The following VPS4A variants were observed in gnomAD, a reference collection of about 807,000 sequenced individuals.
VPS4A encodes vacuolar protein sorting 4 homolog A, also known as vacuolar protein sorting-associated protein 4A.
A neutral mutation model predicts 52.3 loss-of-function variants in VPS4A; 20 were observed. That is an observed-to-expected ratio of 0.38 (90% CI 0.27 to 0.56). VPS4A has a LOEUF of 0.56. Among genes scored for constraint, VPS4A ranks in the 20% least tolerant of loss-of-function variants. The probability of loss-of-function intolerance (pLI) is 0.72; values close to 1 mark genes in which losing one functional copy is unlikely to be tolerated. For missense variants in VPS4A, 419 were observed against 575.9 expected, an observed-to-expected ratio of 0.73 and a Z score of 2.79; for synonymous variants, 293 against 227.7, an observed-to-expected ratio of 1.29 and a Z score of -2.58.
chr16:69,313,674 CGTTT>C (rs1317025176), intron 1 of VPS4A, among the ~76,000 whole-genome samples: 4 of 152,130 alleles, frequency 2.6e-5, no homozygotes, highest in African/African-American at 9.7e-5. Flanking sequence ...CATCCCTGTT[CGTTT>C]ATTGATATAC....
At chr16:69,323,470 T>G (rs992657539) in intron 10 of VPS4A, 2 of 342,790 alleles carry the variant, frequency 5.8e-6, no homozygotes, top group Non-Finnish European at 1.2e-5. Context: ...TTTATATTCT[T>G]TAGCAAGTAA....
At position 69,325,547 on chromosome 16, in the gene VPS4A, AAC is replaced by A. The variant is rs1250376777; in HGVS notation, c.*1242_*1243del. ...TCAGGAAATCGAGAACATCCTGGCT[AAC>A]ACAGTGAAACCCCGTCTCACTAAAA... is the stretch of plus-strand genomic sequence containing the variant. On this transcript the variant is annotated 3_prime_UTR_variant, in exon 11 of 11. Coordinates refer to ENST00000254950, the MANE Select transcript of VPS4A (RefSeq NM_013245.3). 1 of 152,102 alleles carries A rather than the reference AAC, an allele frequency of 6.6e-6. No individual in the cohort carries two copies. Among genetic ancestry groups the A allele is most frequent in the East Asian group, 1.9e-4 (1 of 5,192 alleles). The allele number at this position is 152,102 out of a possible 1,614,324, so 9.4% of individuals were successfully genotyped here.
chr16:69,320,960 C>T lies in VPS4A; in HGVS notation c.852-91C>T, dbSNP rs113729723. ...GCCAGCATCACTGGCCCATGAAATG[C>T]GTCCGTTTCACTCAAATCTTCGTGC... On this transcript the variant is annotated intron_variant, in intron 8 of 10. Transcript: ENST00000254950. The surrounding 1 kb of genome is among the most constrained non-coding windows in gnomAD (Gnocchi z 4.2). 10 of 1,358,810 alleles carry T rather than the reference C, an allele frequency of 7.4e-6. No homozygotes were observed. Among genetic ancestry groups the T allele is most frequent in the South Asian group, 2.6e-5 (2 of 76,544 alleles). The allele number at this position is 1,358,810 out of a possible 1,614,324, so 84.2% of individuals were successfully genotyped here. A position where few individuals can be genotyped will look rare whatever the true frequency, so the allele number is the denominator to read the frequency against.
chr16:69,322,330 G>A (rs1046840942), intron 9 of VPS4A: 21 of 423,084 alleles, frequency 5.0e-5, no homozygotes, highest in Admixed American at 2.3e-4. Context: ...CTGGTGAGAC[G>A]TGACAGTGTT....
rs766666592 is a variant in VPS4A, at chr16:69,320,489, A to G, written c.770-199A>G. ...CCTCACGGGCCACTCCACCCCTCCC[A>G]TGGCAGGCAGTGCCATAGGTCTCAC... is the stretch of plus-strand genomic sequence containing the variant. On this transcript the variant is annotated intron_variant, in intron 7 of 10. Coordinates refer to ENST00000254950, the MANE Select transcript of VPS4A (RefSeq NM_013245.3). This position sits in a 1 kb window ranked among gnomAD's most constrained non-coding sequence, Gnocchi z 4.2. The G allele has an allele frequency of 5.0e-5, 42 of 831,828 alleles. No homozygotes were observed. Among genetic ancestry groups the G allele is most frequent in the Non-Finnish European group, 7.0e-5 (38 of 540,398 alleles). The allele number at this position is 831,828 out of a possible 1,614,324, so 51.5% of individuals were successfully genotyped here.
At chr16:69,317,224 C>T (rs1167936249) in intron 3 of VPS4A, among the ~76,000 whole-genome samples, 1 of 147,510 alleles carries the variant, frequency 6.8e-6, no homozygotes, top group Non-Finnish European at 1.5e-5. Context: ...AGATTCCATC[C>T]AGGGAGGAAG....
chr16:69,318,647 C>G lies in VPS4A; in HGVS notation c.282-3C>G, dbSNP rs761445237. 1 of 1,607,088 alleles carries G rather than the reference C, an allele frequency of 6.2e-7. No homozygotes were observed. The highest frequency in any genetic ancestry group is 8.5e-7 in the Non-Finnish European group (1 of 1,176,646). On this transcript the variant is annotated splice_region_variant and splice_polypyrimidine_tract_variant and intron_variant, in intron 3 of 10. Coordinates refer to ENST00000254950, the MANE Select transcript of VPS4A (RefSeq NM_013245.3). ...GCTTGTGACTTTCCGTCTCCCTTCCCAGCAGTGACAGTGACAGTGAAGGGG... is the reference window on the plus strand; with the variant it reads ...GCTTGTGACTTTCCGTCTCCCTTCCGAGCAGTGACAGTGACAGTGAAGGGG...
At position 69,322,553 on chromosome 16, in the gene VPS4A, G is replaced by C; in HGVS notation, c.1072-7G>C. 1.2e-6 allele frequency: 2 copies of C among 1,611,184 alleles called. No individual in the cohort carries two copies. Among genetic ancestry groups the C allele is most frequent in the Non-Finnish European group, 1.7e-6 (2 of 1,178,474 alleles). ...CAGCTGCCCCAGTCAGATCCATTTG[G>C]TTTCAGGTCTGTGGCCCCTCTCGCA... On this transcript the variant is annotated splice_region_variant and splice_polypyrimidine_tract_variant and intron_variant, in intron 9 of 10. Coordinates refer to ENST00000254950, the MANE Select transcript of VPS4A (RefSeq NM_013245.3).
rs141298258 is a variant in VPS4A at position 69,322,375 on chromosome 16, T to TTGGCA, written c.1072-183_1072-182insGCATG. On this transcript the variant is annotated intron_variant, in intron 9 of 10. Transcript: ENST00000254950. The stretch of plus-strand genomic sequence containing the variant: ...GACATCAAGGCATTGGGGCTACAGA[T>TTGGCA]TGCCAGAGTCCCATGCAAATCATGA... The TTGGCA allele has an allele frequency of 1.8e-3, 945 of 534,196 alleles. 5 individuals carry two copies. The highest frequency in any genetic ancestry group is 0.017 in the African/African-American group (900 of 52,554). 33.1% of individuals were successfully genotyped at this position (534,196 alleles called of 1,614,324 possible).
intron 10 of VPS4A, 50 bp from the exon 11 acceptor site, chr16:69,324,157 TG>T: frequency 6.3e-7 from 1 of 1,580,000 alleles, no homozygotes; most frequent in Non-Finnish European, 8.6e-7. Flanking sequence ...GAGGGGAGGT[TG>T]GGGACCTGGA....
intron 10 of VPS4A, 92 bp downstream of exon 10, chr16:69,322,792 A>G (rs11075714): frequency 0.32 from 472,585 of 1,483,646 alleles, 77,298 homozygotes; most frequent in African/African-American, 0.4. Context: ...TCTCCAGGCC[A>G]GGCATGGTAG....
In VPS4A at chr16:69,316,066, A is replaced by G; in HGVS notation, c.80A>G (p.Glu27Gly). ...TEEDKAKNYE[E>G]ALRLYQHAVE... Reference sequence around the variant, plus strand: ...GAGGACAAAGCCAAGAACTACGAGGAGGCGCTGCGGCTGTACCAGCATGCG... The same window carrying G: ...GAGGACAAAGCCAAGAACTACGAGGGGGCGCTGCGGCTGTACCAGCATGCG... The change falls in exon 2 of 11, where the codon GAG becomes GGG. Residue 27 changes from glutamate to glycine, a missense_variant. Glu to Gly is a moderately conservative substitution (Grantham distance 98, BLOSUM62 -2). Around this residue, in one of 3 missense-constraint regions of VPS4A, gnomAD observed 131 missense variants for 165.4 expected, o/e 0.79. Coordinates refer to ENST00000254950, the MANE Select transcript of VPS4A (RefSeq NM_013245.3). 5.0e-6 allele frequency: 8 copies of G among 1,613,592 alleles called. No individual in the cohort carries two copies. Among genetic ancestry groups the G allele is most frequent in the Non-Finnish European group, 6.8e-6 (8 of 1,179,884 alleles).
chr16:69,320,715 TG>T lies in VPS4A; in HGVS notation c.799del (p.Val267PhefsTer80). On this transcript the variant is annotated frameshift_variant, in exon 8 of 11. Coordinates refer to ENST00000254950, the MANE Select transcript of VPS4A (RefSeq NM_013245.3). LOFTEE classifies it high-confidence loss of function. This position sits in a 1 kb window ranked among gnomAD's most constrained non-coding sequence, Gnocchi z 4.2. ...GTGGGGAATAACAATGATGGGACTC[TG>T]GTTCTTGGAGCCACAAACATCCCAT... ...QGVGNNNDGT[L>X]VLGATNIPWV... 6.2e-7 allele frequency: 1 copy of T among 1,608,350 alleles called. No homozygotes were observed. The highest frequency in any genetic ancestry group is 1.1e-5 in the South Asian group (1 of 89,646).
In VPS4A at chr16:69,320,288, G is replaced by A; in HGVS notation, c.768G>A (p.Gln256=). 1.2e-6 allele frequency: 2 copies of A among 1,613,296 alleles called. No homozygotes were observed. Among genetic ancestry groups the A allele is most frequent in the Non-Finnish European group, 1.7e-6 (2 of 1,179,258 alleles). ...RIKTEFLVQM[Q]GVGNNNDGTL... ...AAACGGAGTTCTTGGTCCAGATGCA[G>A]GGTGTGTGCCGGGCCCAGGGCCCCC... The change falls in exon 7 of 11, where the codon CAG becomes CAA. Residue 256 remains glutamine, a splice_region_variant and synonymous_variant. Transcript: ENST00000254950. This position sits in a 1 kb window ranked among gnomAD's most constrained non-coding sequence, Gnocchi z 4.2.
At chr16:69,318,451 C>T (rs1417334097) in intron 3 of VPS4A, among the ~76,000 whole-genome samples, 199 bp from the exon 4 acceptor site, 2 of 152,216 alleles carry the variant, frequency 1.3e-5, no homozygotes, top group African/African-American at 4.8e-5. Flanking sequence ...GGAGTGTTTG[C>T]TGGGGGGGTC....
chr16:69,321,470 C>G lies in VPS4A; in HGVS notation c.1071+200C>G, dbSNP rs535721522. ...CAGCTCTTCTGGAGTGTGGCCATCT[C>G]AGGGTGTGTGAAAGCAGAGGACAGG... On this transcript the variant is annotated intron_variant, in intron 9 of 10. Transcript: ENST00000254950. This position sits in a 1 kb window ranked among gnomAD's most constrained non-coding sequence, Gnocchi z 4.5. 2 of 626,702 alleles carry G rather than the reference C, an allele frequency of 3.2e-6. No homozygotes were observed. The highest frequency in any genetic ancestry group is 5.5e-6 in the Non-Finnish European group (2 of 362,964). 38.8% of individuals were successfully genotyped at this position (626,702 alleles called of 1,614,324 possible).
chr16:69,317,245 G>A (rs572698807), intron 3 of VPS4A, among the ~76,000 whole-genome samples: 1 of 130,938 alleles, frequency 7.6e-6, no homozygotes, highest in African/African-American at 3.2e-5. Context: ...TAGCCCTGGG[G>A]TGACAGTGGC....
Position 69,321,518 on chromosome 16 carries a change from G to C in VPS4A, c.1071+248G>C, listed in dbSNP as rs1009217010. 2.4e-5 allele frequency: 13 copies of C among 541,032 alleles called. No homozygotes were observed. In the Admixed American group the frequency reaches 3.8e-4, roughly 16 times the overall value. 33.5% of individuals were successfully genotyped at this position (541,032 alleles called of 1,614,324 possible). ...AGGGCCACTTTACTGTCTTAACCCT[G>C]CTGCGGCCTCCTCCGTCAGCACTGT... On this transcript the variant is annotated intron_variant, in intron 9 of 10. Transcript: ENST00000254950. The surrounding 1 kb of genome is among the most constrained non-coding windows in gnomAD (Gnocchi z 4.5).
At position 69,311,374 on chromosome 16, in the gene VPS4A, G is replaced by A. The variant is rs953523925; in HGVS notation, c.-138G>A. ...TGCCCTCGGACTCGGCTCCCGCTGC[G>A]AGCGGCCGCCCTGCCCGCGCACCGC... On this transcript the variant is annotated 5_prime_UTR_variant, in exon 1 of 11. Transcript: ENST00000254950. 4.1e-6 allele frequency: 4 copies of A among 983,148 alleles called. No individual in the cohort carries two copies. The highest frequency in any genetic ancestry group is 5.3e-6 in the Non-Finnish European group (4 of 760,540). The allele number at this position is 983,148 out of a possible 1,614,324, so 60.9% of individuals were successfully genotyped here.
Sources: gnomAD v4.1 joint callset for allele counts (sites outside exome capture counted in the v4.1 genomes callset) on GRCh38, gnomAD v4.1.1 for gene constraint, gnomAD v4.1.1 regional missense constraint, Gnocchi (gnomAD v3.1) non-coding constraint, MANE v1.5 for transcripts, NCBI Gene and HGNC (gene_info 2026-07-23, HGNC 2026-07-21) for gene names.